CDH10: variants seen among roughly 807,000 people sequenced by gnomAD.
CDH10 encodes the protein cadherin 10.
Under a neutral mutation model 73.1 loss-of-function variants are expected in CDH10, and 30 were observed. The ratio of observed to expected loss-of-function variants is 0.41; its 90% CI spans 0.31 to 0.56. The LOEUF (loss-of-function observed/expected upper bound fraction) is 0.56, where lower values mean the gene tolerates loss of function less well. Ranked by LOEUF, CDH10 falls within the 20% of genes least tolerant of loss-of-function variation. CDH10 has a pLI of 0.27. For missense variants in CDH10, 815 were observed against 973.7 expected, an observed-to-expected ratio of 0.84 and a Z score of 2.17; for synonymous variants, 345 against 348.2, an observed-to-expected ratio of 0.99 and a Z score of 0.10.
chr5:24,582,750 C>T (rs1161516727), intron 2 of CDH10, among the ~76,000 whole-genome samples: 1 of 152,142 alleles, frequency 6.6e-6, no homozygotes, highest in Non-Finnish European at 1.5e-5. Context: ...ACGCAAAATG[C>T]TTCAAACACA....
intron 1 of CDH10, among the ~76,000 whole-genome samples, chr5:24,619,618 T>C (rs577399299): frequency 1.2e-4 from 19 of 152,366 alleles, no homozygotes; most frequent in Middle Eastern, 3.4e-3. Flanking sequence ...ACATGAATTT[T>C]GGAGGGCCAG....
At chr5:24,522,743 A>G (rs1390482399) in intron 5 of CDH10, among the ~76,000 whole-genome samples, 1 of 152,174 alleles carries the variant, frequency 6.6e-6, no homozygotes, top group Non-Finnish European at 1.5e-5. Context: ...GATCTAAAAG[A>G]TTCATCAGTT....
intron 2 of CDH10, among the ~76,000 whole-genome samples, chr5:24,582,560 C>T (rs1160153775): frequency 2.0e-5 from 3 of 152,042 alleles, no homozygotes; most frequent in Admixed American, 6.6e-5. Context: ...GGGGAGAGGA[C>T]ACATCCATTG....
intron 2 of CDH10, among the ~76,000 whole-genome samples, chr5:24,584,268 G>A (rs1477841469): frequency 3.3e-5 from 5 of 151,950 alleles, no homozygotes; most frequent in African/African-American, 1.2e-4. Context: ...TCTTCCAGAA[G>A]AACGTTAAAT....
At chr5:24,599,140 A>T (rs191237822) in intron 1 of CDH10, among the ~76,000 whole-genome samples, 2 of 152,258 alleles carry the variant, frequency 1.3e-5, no homozygotes, top group African/African-American at 4.8e-5. Flanking sequence ...GCTAATACAG[A>T]TGTGACATTG....
intron 7 of CDH10, among the ~76,000 whole-genome samples, chr5:24,505,634 T>A (rs572505877): frequency 6.6e-6 from 1 of 152,314 alleles, no homozygotes; most frequent in Admixed American, 6.5e-5. Flanking sequence ...TTGCAAAAGA[T>A]TATTCCCAGA....
At chr5:24,575,092 T>C (rs1170533150) in intron 2 of CDH10, among the ~76,000 whole-genome samples, 1 of 152,064 alleles carries the variant, frequency 6.6e-6, no homozygotes, top group African/African-American at 2.4e-5. Context: ...ACCAGTACCA[T>C]GGCTCATGCC....
chr5:24,557,555 T>C (rs1744812366), intron 2 of CDH10, among the ~76,000 whole-genome samples: 1 of 151,818 alleles, frequency 6.6e-6, no homozygotes, highest in East Asian at 1.9e-4. Context: ...TTCCACAACT[T>C]AATCTCATTT....
intron 1 of CDH10, among the ~76,000 whole-genome samples, chr5:24,600,589 T>C (rs552772575): frequency 1.3e-5 from 2 of 152,072 alleles, no homozygotes; most frequent in East Asian, 1.9e-4. Context: ...GAGCAGAGCG[T>C]CGGTGTGCGT....
intron 2 of CDH10, among the ~76,000 whole-genome samples, chr5:24,568,269 TA>T (rs1431367304): frequency 6.6e-6 from 1 of 151,940 alleles, no homozygotes; most frequent in African/African-American, 2.4e-5. Context: ...TTAATTTACA[TA>T]AAAAGTAAAA....
At position 24,537,124 on chromosome 5, in the gene CDH10, A is replaced by C. The variant is rs1743981516; in HGVS notation, c.526+256T>G. ...AAATTATTTTCACAATTTTCTACTG[A>C]AGTTCAATGATATTTTCTTGATTTT... On this transcript the variant is annotated intron_variant, in intron 3 of 11. Coordinates refer to ENST00000264463, the MANE Select transcript of CDH10 (RefSeq NM_006727.5). 2.6e-5 allele frequency among the ~76,000 whole-genome samples: 4 copies of C among 152,064 alleles called. No homozygotes were observed. The South Asian group carries it at 8.3e-4, about 32-fold the overall frequency.
At chr5:24,638,760 G>C (rs1436350270) in intron 1 of CDH10, among the ~76,000 whole-genome samples, 1 of 151,698 alleles carries the variant, frequency 6.6e-6, no homozygotes, top group African/African-American at 2.4e-5. Flanking sequence ...AGTCAAAAAA[G>C]AATAGAAAAT....
At chr5:24,641,717 C>T (rs1748056061) in intron 1 of CDH10, among the ~76,000 whole-genome samples, 1 of 151,934 alleles carries the variant, frequency 6.6e-6, no homozygotes. Flanking sequence ...TACCATTGCT[C>T]AGTATACGTT....
At chr5:24,598,526 C>T (rs189774516) in intron 1 of CDH10, among the ~76,000 whole-genome samples, 9 of 149,388 alleles carry the variant, frequency 6.0e-5, no homozygotes, top group Non-Finnish European at 1.3e-4. Context: ...AAGAAACTTG[C>T]TTTGTTGTTC....
Position 24,584,464 on chromosome 5 carries a change from T to TTG in CDH10, c.231+8794_231+8795dup, listed in dbSNP as rs1554023320. On this transcript the variant is annotated intron_variant, in intron 2 of 11. Coordinates refer to ENST00000264463, the MANE Select transcript of CDH10 (RefSeq NM_006727.5). Reference sequence around the variant, plus strand: ...CTTTTCCTTTTTTTTTTTTTTTTTTTTGTGTGTGTGTGAGAGAGAGAGAGA... The same window carrying TTG: ...CTTTTCCTTTTTTTTTTTTTTTTTTTTGTGTGTGTGTGTGAGAGAGAGAGAGA... Among the ~76,000 whole-genome samples the TTG allele has an allele frequency of 5.3e-3, 293 of 55,338 alleles. 7 individuals carry two copies. The highest frequency in any genetic ancestry group is 0.028 in the Middle Eastern group (2 of 72). The allele number at this position is 55,338 out of a possible 152,430, so 36.3% of individuals were successfully genotyped here.
Position 24,569,104 on chromosome 5 carries a change from T to C in CDH10, c.231+24156A>G, listed in dbSNP as rs554752941. Among the ~76,000 whole-genome samples the C allele has an allele frequency of 1.0e-2, 1,264 of 126,432 alleles. 22 individuals carry two copies. Among genetic ancestry groups the C allele is most frequent in the African/African-American group, 0.031 (1,192 of 38,976 alleles). 82.9% of individuals were successfully genotyped at this position (126,432 alleles called of 152,430 possible). On this transcript the variant is annotated intron_variant, in intron 2 of 11. Coordinates refer to ENST00000264463, the MANE Select transcript of CDH10 (RefSeq NM_006727.5). ...CAGCCTGGGCAACAGAGCGAGACTC[T>C]GTCTCAAAAAAAAAAGAGAAAGGGT...
chr5:24,634,819 A>G (rs927583839), intron 1 of CDH10, among the ~76,000 whole-genome samples: 3 of 151,772 alleles, frequency 2.0e-5, no homozygotes, highest in Admixed American at 6.6e-5. Flanking sequence ...TGAGCTATAA[A>G]TAAAACTGAA....
chr5:24,598,367 A>G (rs748949495), intron 1 of CDH10, among the ~76,000 whole-genome samples: 2 of 152,034 alleles, frequency 1.3e-5, no homozygotes, highest in African/African-American at 2.4e-5. Flanking sequence ...AGTATTCTGC[A>G]TATGTATTTC....
intron 1 of CDH10, among the ~76,000 whole-genome samples, chr5:24,594,102 CAAACA>C (rs70965620): frequency 9.3e-5 from 14 of 150,420 alleles, no homozygotes; most frequent in South Asian, 4.2e-4. Flanking sequence ...AGTAAAGGCA[CAAACA>C]AAACAAAACA....
Sources: gnomAD v4.1 joint callset for allele counts (sites outside exome capture counted in the v4.1 genomes callset) on GRCh38, gnomAD v4.1.1 for gene constraint, MANE v1.5 for transcripts, NCBI Gene and HGNC (gene_info 2026-07-23, HGNC 2026-07-21) for gene names.